Variants in ZC4H2 observed in about 807,000 individuals in gnomAD.
ZC4H2 encodes the protein zinc finger C4H2 domain-containing protein.
For missense variants in ZC4H2, 137 were observed against 173.9 expected, an observed-to-expected ratio of 0.79 and a Z score of 1.19; for synonymous variants, 84 against 66.3, an observed-to-expected ratio of 1.27 and a Z score of -1.30.
intron 1 of ZC4H2, among the ~76,000 whole-genome samples, chrX:64,982,687 C>T (rs967942764): frequency 1.8e-5 from 2 of 111,898 alleles, no homozygotes; most frequent in Admixed American, 9.5e-5. Context: ...CCATTATTTC[C>T]CCTAAGTTTG....
chrX:64,946,432 G>C (rs1930536468), intron 1 of ZC4H2, among the ~76,000 whole-genome samples: 1 of 110,822 alleles, frequency 9.0e-6, no homozygotes, highest in South Asian at 3.8e-4. Flanking sequence ...TGCACCCGCT[G>C]TCTAACCAGT....
chrX:64,949,772 A>G (rs931743386), intron 1 of ZC4H2, among the ~76,000 whole-genome samples: 4 of 110,758 alleles, frequency 3.6e-5, no homozygotes, highest in Admixed American at 2.9e-4. Flanking sequence ...CGGTCCATCA[A>G]TTTTGTTGTA....
chrX:64,928,627 T>TTTCTCC (rs1459335648), intron 1 of ZC4H2, among the ~76,000 whole-genome samples: 1 of 85,881 alleles, frequency 1.2e-5, no homozygotes, highest in Non-Finnish European at 2.2e-5. Context: ...CTTTGCCTGC[T>TTTCTCC]TTCTCCTTCT....
At chrX:65,006,494 G>T (rs1423653080) in intron 1 of ZC4H2, among the ~76,000 whole-genome samples, 3 of 106,835 alleles carry the variant, frequency 2.8e-5, no homozygotes, top group East Asian at 3.0e-4. Flanking sequence ...TCACTCACAG[G>T]TGGGAACTGA....
chrX:64,952,177 A>C (rs1192446595), intron 1 of ZC4H2, among the ~76,000 whole-genome samples: 1 of 110,701 alleles, frequency 9.0e-6, no homozygotes, highest in Non-Finnish European at 1.9e-5. Context: ...TTTTGGTACC[A>C]GTACCATGCT....
At chrX:64,927,373 C>T (rs746977918) in intron 1 of ZC4H2, among the ~76,000 whole-genome samples, 2 of 110,492 alleles carry the variant, frequency 1.8e-5, no homozygotes, top group Admixed American at 9.7e-5. Context: ...TGAGTGAGAA[C>T]ATGTAGTGTT....
rs908166231 is a variant in ZC4H2 at position 64,925,551 on chromosome X, A to T, written c.54-3563T>A. On this transcript the variant is annotated intron_variant, in intron 1 of 4. Transcript: ENST00000374839. ...ACTACCACTAACTGAAATCAGGGGT[A>T]AGAGGGTATCTCCCATTGCCATTTA... is the stretch of plus-strand genomic sequence containing the variant. Among the ~76,000 whole-genome samples, 3 of 112,115 alleles carry T rather than the reference A, an allele frequency of 2.7e-5. No homozygotes were observed. The Admixed American group carries it at 2.8e-4, about 11-fold the overall frequency.
At chrX:64,918,606 A>G (rs971255549) in intron 4 of ZC4H2, 5 of 116,926 alleles carry the variant, frequency 4.3e-5, no homozygotes, top group Admixed American at 1.8e-4. Context: ...TTACAGTTTT[A>G]TTGTCCTGTG....
chrX:64,983,863 C>T (rs1252561434), intron 1 of ZC4H2, among the ~76,000 whole-genome samples: 1 of 111,907 alleles, frequency 8.9e-6, no homozygotes, highest in Non-Finnish European at 1.9e-5. Context: ...TAATTGAAGA[C>T]ACAAAGGAAT....
intron 1 of ZC4H2, among the ~76,000 whole-genome samples, chrX:64,925,639 C>T (rs1352516885): frequency 8.9e-6 from 1 of 111,928 alleles, no homozygotes; most frequent in African/African-American, 3.3e-5. Context: ...AATCCTCCCT[C>T]CTCCCTCCAT....
intron 1 of ZC4H2, among the ~76,000 whole-genome samples, chrX:64,989,036 C>T (rs1012721667): frequency 2.2e-4 from 25 of 111,616 alleles, no homozygotes; most frequent in African/African-American, 7.2e-4. Flanking sequence ...TGTAGATATG[C>T]GGCATTATTT....
chrX:65,009,716 G>A (rs1040481855), intron 1 of ZC4H2, among the ~76,000 whole-genome samples: 2 of 111,932 alleles, frequency 1.8e-5, no homozygotes, highest in Non-Finnish European at 3.8e-5. Flanking sequence ...CACTGCATGT[G>A]CATCCATACA....
chrX:64,940,573 T>G (rs1306651958), intron 1 of ZC4H2, among the ~76,000 whole-genome samples: 2 of 111,830 alleles, frequency 1.8e-5, no homozygotes, highest in African/African-American at 6.5e-5. Context: ...TTAATTTTTG[T>G]ATAAGGTGTA....
intron 1 of ZC4H2, among the ~76,000 whole-genome samples, chrX:64,960,761 T>C (rs775289865): frequency 8.9e-6 from 1 of 112,200 alleles, no homozygotes; most frequent in Non-Finnish European, 1.9e-5. Flanking sequence ...AAGATGGGTA[T>C]TTGTGAATTT....
chrX:64,954,380 AT>A (rs1931062429), intron 1 of ZC4H2, among the ~76,000 whole-genome samples: 1 of 75,752 alleles, frequency 1.3e-5, no homozygotes, highest in African/African-American at 9.7e-5. Context: ...ATAATTATAT[AT>A]ATTTATAATT....
chrX:64,963,848 C>T (rs1028596200), intron 1 of ZC4H2, among the ~76,000 whole-genome samples: 7 of 111,247 alleles, frequency 6.3e-5, no homozygotes, highest in African/African-American at 2.0e-4. Context: ...TATATTTATG[C>T]AATGGAATAT....
chrX:65,002,967 C>T (rs1467916713), intron 1 of ZC4H2, among the ~76,000 whole-genome samples: 1 of 109,795 alleles, frequency 9.1e-6, no homozygotes, highest in African/African-American at 3.3e-5. Flanking sequence ...GACCTTTGTT[C>T]ACTTGTTTAT....
chrX:64,928,672 CTT>C (rs1929561996), intron 1 of ZC4H2, among the ~76,000 whole-genome samples: 4 of 99,976 alleles, frequency 4.0e-5, no homozygotes, highest in Non-Finnish European at 6.3e-5. Flanking sequence ...TCTTCTTCTT[CTT>C]CTTCTTCTTC....
At chrX:65,021,807 G>T (rs1203455618) in intron 1 of ZC4H2, among the ~76,000 whole-genome samples, 1 of 110,745 alleles carries the variant, frequency 9.0e-6, no homozygotes, top group Non-Finnish European at 1.9e-5. Context: ...AAAAAGAGAA[G>T]AATCAAATAG....
Sources: allele counts gnomAD v4.1 joint callset (sites outside exome capture counted in the v4.1 genomes callset), GRCh38; gene constraint gnomAD v4.1.1; transcripts MANE v1.5; gene names NCBI Gene and HGNC (gene_info 2026-07-23, HGNC 2026-07-21).